TBC1D1: variants seen among roughly 807,000 people sequenced by gnomAD.
TBC1D1 encodes the protein TBC1 (tre-2/USP6, BUB2, cdc16) domain family, member 1.
TBC1D1 carries 89 observed loss-of-function variants against 125.6 expected under a neutral mutation model. That is an observed-to-expected ratio of 0.71 (90% CI 0.60 to 0.85). The LOEUF is 0.85. Among genes scored for constraint, TBC1D1 ranks in the 40% least tolerant of loss-of-function variants. The probability of loss-of-function intolerance (pLI) is 0.00; values close to 1 mark genes in which losing one functional copy is unlikely to be tolerated. For synonymous variants in TBC1D1, 565 were observed against 564.1 expected, an observed-to-expected ratio of 1.00 and a Z score of -0.02; for missense variants, 1,377 against 1,469.2, an observed-to-expected ratio of 0.94 and a Z score of 1.03.
chr4:37,947,909 G>C (rs1427200184), intron 2 of TBC1D1, among the ~76,000 whole-genome samples: 1 of 151,858 alleles, frequency 6.6e-6, no homozygotes, highest in Non-Finnish European at 1.5e-5. Context: ...TTAAAACAAA[G>C]GTAGTACCCC....
chr4:38,052,732 A>G lies in TBC1D1; in HGVS notation c.1911-1467A>G, dbSNP rs1056287603. 8.6e-3 allele frequency among the ~76,000 whole-genome samples: 666 copies of G among 77,640 alleles called. 3 individuals are homozygous for G. Among genetic ancestry groups the G allele is most frequent in the East Asian group, 0.043 (77 of 1,788 alleles). 50.9% of individuals were successfully genotyped at this position (77,640 alleles called of 152,430 possible). On this transcript the variant is annotated intron_variant, in intron 11 of 19. Coordinates refer to ENST00000261439, the MANE Select transcript of TBC1D1 (RefSeq NM_015173.4). ...CACACACGCGCGCGCGCGCGCGCAC[A>G]CACACACACACACACACACACACAC...
rs150925324 is a variant in TBC1D1 at position 37,972,073 on chromosome 4, G to C, written c.418-42436G>C. Among the ~76,000 whole-genome samples the C allele has an allele frequency of 4.6e-3, 706 of 152,272 alleles. 8 individuals carry two copies. The highest frequency in any genetic ancestry group is 0.016 in the African/African-American group (674 of 41,538). On this transcript the variant is annotated intron_variant, in intron 2 of 19. Coordinates refer to ENST00000261439, the MANE Select transcript of TBC1D1 (RefSeq NM_015173.4). ...ACTTGGCCACCTTCCCATTACAGGT[G>C]ACTCTGATAGACAATCAGGGCTGGA...
intron 12 of TBC1D1, among the ~76,000 whole-genome samples, chr4:38,066,374 G>A (rs1448289970): frequency 6.6e-6 from 1 of 151,704 alleles, no homozygotes; most frequent in African/African-American, 2.4e-5. Context: ...TGTCACCCAG[G>A]CTGGAGTACA....
chr4:37,935,190 A>G (rs1006207821), intron 2 of TBC1D1, among the ~76,000 whole-genome samples: 1 of 152,200 alleles, frequency 6.6e-6, no homozygotes, highest in Non-Finnish European at 1.5e-5. Context: ...AGTCCGCCAC[A>G]TGATTGCACT....
rs372610452 is a variant in TBC1D1 at position 38,054,073 on chromosome 4, GTGAT to G, written c.1911-120_1911-117del. On this transcript the variant is annotated intron_variant, in intron 11 of 19. Transcript: ENST00000261439. ...CCACTGTGAGCTTGATATAACTTCT[GTGAT>G]TGATTATTTGTTTATACAAAGATAG... 2,891 of 1,041,148 alleles carry G rather than the reference GTGAT, an allele frequency of 2.8e-3. 13 individuals are homozygous for G. The highest frequency in any genetic ancestry group is 0.022 in the Middle Eastern group (96 of 4,428). 64.5% of individuals were successfully genotyped at this position (1,041,148 alleles called of 1,614,324 possible).
At chr4:37,989,424 G>A (rs1736103149) in intron 2 of TBC1D1, among the ~76,000 whole-genome samples, 1 of 152,130 alleles carries the variant, frequency 6.6e-6, no homozygotes, top group Admixed American at 6.5e-5. Context: ...TATATTGATT[G>A]ATGTCTTATG....
At chr4:38,037,714 C>T (rs1282716796) in intron 8 of TBC1D1, among the ~76,000 whole-genome samples, 2 of 152,204 alleles carry the variant, frequency 1.3e-5, no homozygotes, top group South Asian at 2.1e-4. Flanking sequence ...ACTTCAGAAG[C>T]GGACAGAGGA....
intron 2 of TBC1D1, among the ~76,000 whole-genome samples, chr4:38,005,429 T>C (rs1011588486): frequency 1.3e-5 from 2 of 152,186 alleles, no homozygotes; most frequent in African/African-American, 4.8e-5. Context: ...ATGATTTGAT[T>C]TGAAAGACTA....
intron 2 of TBC1D1, among the ~76,000 whole-genome samples, chr4:37,951,505 C>A (rs1402991911): frequency 3.3e-5 from 5 of 152,304 alleles, no homozygotes; most frequent in Non-Finnish European, 5.9e-5. Context: ...TTATCTCCAG[C>A]TACATCCTGG....
chr4:38,007,040 G>A (rs892705142), intron 2 of TBC1D1: 7 of 392,686 alleles, frequency 1.8e-5, no homozygotes, highest in South Asian at 4.6e-5. Flanking sequence ...TCGGCCTGGC[G>A]ACTTCACCAA....
At chr4:38,110,634 A>C in intron 15 of TBC1D1, 2 of 985,420 alleles carry the variant, frequency 2.0e-6, no homozygotes, top group Non-Finnish European at 2.4e-6. Flanking sequence ...TTTAATGCCC[A>C]TGTTTGACCC....
At chr4:37,965,572 A>G (rs1246765977) in intron 2 of TBC1D1, among the ~76,000 whole-genome samples, 2 of 151,968 alleles carry the variant, frequency 1.3e-5, no homozygotes, top group South Asian at 2.1e-4. Context: ...ATTCTTTTTT[A>G]TACTTGTGTT....
chr4:38,035,558 T>C (rs1039120202), intron 7 of TBC1D1, 30 bp from the exon 8 acceptor site: 1 of 1,568,876 alleles, frequency 6.4e-7, no homozygotes, highest in African/African-American at 1.4e-5. Context: ...CGATTAAAAA[T>C]AAATCCTGTT....
intron 18 of TBC1D1, among the ~76,000 whole-genome samples, chr4:38,130,189 C>T (rs1005496426): frequency 4.6e-5 from 7 of 151,882 alleles, no homozygotes; most frequent in African/African-American, 1.2e-4. Context: ...TTATATATAG[C>T]GACATGAAAA....
intron 18 of TBC1D1, among the ~76,000 whole-genome samples, chr4:38,126,788 C>G (rs1277542280): frequency 6.6e-6 from 1 of 152,146 alleles, no homozygotes; most frequent in Non-Finnish European, 1.5e-5. Context: ...CTGACTGACC[C>G]ACACTCACTC....
chr4:37,998,845 C>G (rs542636049), intron 2 of TBC1D1, among the ~76,000 whole-genome samples: 2 of 152,286 alleles, frequency 1.3e-5, no homozygotes, highest in Admixed American at 6.5e-5. Context: ...CTTAAATGAC[C>G]AGGTTGAAGA....
chr4:38,078,187 C>T (rs933413403), intron 12 of TBC1D1, among the ~76,000 whole-genome samples: 3 of 152,194 alleles, frequency 2.0e-5, no homozygotes, highest in African/African-American at 7.2e-5. Flanking sequence ...CCCTTTCTGG[C>T]ACCCCCAGGC....
chr4:38,046,561 G>C (rs1442284239), intron 10 of TBC1D1, among the ~76,000 whole-genome samples: 1 of 152,016 alleles, frequency 6.6e-6, no homozygotes, highest in African/African-American at 2.4e-5. Flanking sequence ...TGGGGATTGG[G>C]CTTCTAGTGT....
intron 16 of TBC1D1, 39 bp downstream of exon 18, chr4:38,115,993 C>T (rs771510087): frequency 1.2e-6 from 2 of 1,600,358 alleles, no homozygotes; most frequent in Non-Finnish European, 1.7e-6. Flanking sequence ...CAACAAAATG[C>T]TAAGAATGTT....
Sources: allele counts gnomAD v4.1 joint callset (sites outside exome capture counted in the v4.1 genomes callset), GRCh38; gene constraint gnomAD v4.1.1; transcripts MANE v1.5; gene names NCBI Gene and HGNC (gene_info 2026-07-23, HGNC 2026-07-21).